PLCG2: variants seen among roughly 807,000 people sequenced by gnomAD.
PLCG2 encodes the protein 1-phosphatidylinositol 4,5-bisphosphate phosphodiesterase gamma-2.
In PLCG2, 69 loss-of-function variants were observed where a neutral mutation model predicts 175.6. The observed-to-expected ratio is 0.39, with a 90% CI of 0.32 to 0.48. The LOEUF (loss-of-function observed/expected upper bound fraction) is 0.48. Among genes scored for constraint, PLCG2 ranks in the 20% least tolerant of loss-of-function variants. PLCG2 has a pLI of 0.91. For missense variants in PLCG2, 1,798 were observed against 1,650.9 expected (o/e 1.09, Z -1.54); for synonymous variants, 827 against 624.0 (o/e 1.33, Z -4.85).
chr16:81,886,384 T>A (rs1052764660), intron 9 of PLCG2, among the ~76,000 whole-genome samples: 2 of 152,222 alleles, frequency 1.3e-5, no homozygotes, highest in African/African-American at 4.8e-5. Context: ...GAATAATCAC[T>A]GCAGCACTTT....
At chr16:81,955,949 T>C (rs1032150110) in intron 31 of PLCG2, among the ~76,000 whole-genome samples, 7 of 152,176 alleles carry the variant, frequency 4.6e-5, no homozygotes, top group Admixed American at 4.6e-4. Flanking sequence ...ATTTAAAGTG[T>C]ACAATTCAAT....
chr16:81,777,057 C>A (rs1374546752), upstream of PLCG2, among the ~76,000 whole-genome samples: 2 of 152,152 alleles, frequency 1.3e-5, no homozygotes, highest in Non-Finnish European at 1.5e-5. Context: ...TTTACGATGA[C>A]CATTATCTCA....
intron 1 of PLCG2, chr16:81,783,101 A>G (rs1156287159): frequency 2.1e-6 from 1 of 480,530 alleles, no homozygotes; most frequent in South Asian, 1.5e-5. Context: ...AGAACTGAGG[A>G]GCCTGGTCCC....
At chr16:81,934,366 A>G in intron 25 of PLCG2, 63 bp from the exon 26 acceptor site, 1 of 991,384 alleles carries the variant, frequency 1.0e-6, no homozygotes, top group East Asian at 2.4e-5. Context: ...GGAAAAATGC[A>G]GGGCGAGCTG....
intron 27 of PLCG2, chr16:81,937,242 T>A (rs968416393): frequency 3.3e-5 from 5 of 152,304 alleles, no homozygotes; most frequent in African/African-American, 1.2e-4. Context: ...TTGTTGAACT[T>A]TTTGCCGTTT....
chr16:81,919,729 A>G (rs1383221493), intron 20 of PLCG2, 65 bp downstream of exon 20: 2 of 1,393,038 alleles, frequency 1.4e-6, no homozygotes, highest in Non-Finnish European at 2.0e-6. Flanking sequence ...TCATCTGTTC[A>G]TGAATTCAGC....
intron 11 of PLCG2, among the ~76,000 whole-genome samples, chr16:81,893,463 G>A (rs1908733712): frequency 1.3e-5 from 2 of 152,210 alleles, no homozygotes; most frequent in African/African-American, 4.8e-5. Flanking sequence ...CTCCACGCTT[G>A]CATTGCCCAG....
chr16:81,739,997 G>A (rs1458771944), intron 1 of PLCG2, among the ~76,000 whole-genome samples: 1 of 152,068 alleles, frequency 6.6e-6, no homozygotes, highest in African/African-American at 2.4e-5. Context: ...AATTAGCTGT[G>A]TGTGGTGGCC....
At chr16:81,769,178 T>G (rs78502140) in intron 2 of PLCG2, among the ~76,000 whole-genome samples, 4,723 of 152,294 alleles carry the variant, frequency 0.031, 153 homozygotes, top group African/African-American at 0.084. Flanking sequence ...GAACTCACCA[T>G]GAGTGATGAG....
intron 22 of PLCG2, among the ~76,000 whole-genome samples, chr16:81,924,841 A>G (rs1567534999): frequency 6.6e-6 from 1 of 152,168 alleles, no homozygotes; most frequent in Non-Finnish European, 1.5e-5. Flanking sequence ...AGGCTCCCAG[A>G]CCCAGTTGGG....
intron 9 of PLCG2, among the ~76,000 whole-genome samples, chr16:81,887,697 T>A (rs531333601): frequency 6.6e-6 from 1 of 152,358 alleles, no homozygotes; most frequent in South Asian, 2.1e-4. Context: ...CACACACATC[T>A]GGTCGCATAT....
intron 2 of PLCG2, among the ~76,000 whole-genome samples, chr16:81,836,116 G>T (rs1905503108): frequency 6.6e-6 from 1 of 152,198 alleles, no homozygotes; most frequent in South Asian, 2.1e-4. Flanking sequence ...GGGCCACCAA[G>T]GACAAGACCA....
chr16:81,864,412 G>A (rs1366038630), intron 5 of PLCG2, among the ~76,000 whole-genome samples: 1 of 152,210 alleles, frequency 6.6e-6, no homozygotes, highest in Non-Finnish European at 1.5e-5. Flanking sequence ...GCCCCGTGTG[G>A]CTAGCAGCTA....
chr16:81,914,574 T>A (rs1220388130), intron 19 of PLCG2, among the ~76,000 whole-genome samples: 1 of 152,138 alleles, frequency 6.6e-6, no homozygotes, highest in East Asian at 1.9e-4. Context: ...AATGGAAGTT[T>A]TTATTTTTTA....
chr16:81,953,092 A>G (rs1258565846), intron 31 of PLCG2, among the ~76,000 whole-genome samples: 2 of 152,222 alleles, frequency 1.3e-5, no homozygotes, highest in African/African-American at 4.8e-5. Flanking sequence ...GACACCAGAC[A>G]AAAGTTGCTG....
intron 10 of PLCG2, among the ~76,000 whole-genome samples, chr16:81,890,679 C>T (rs1242822803): frequency 8.5e-5 from 13 of 152,124 alleles, no homozygotes; most frequent in Admixed American, 5.2e-4. Flanking sequence ...AACTGGGGAG[C>T]GACTGACCCA....
At chr16:81,899,043 A>C (rs887329177) in intron 13 of PLCG2, among the ~76,000 whole-genome samples, 4 of 151,958 alleles carry the variant, frequency 2.6e-5, no homozygotes, top group African/African-American at 9.7e-5. Context: ...CAAAAAATTA[A>C]CTGGGCATGC....
At chr16:81,891,030 G>C (rs1212653202) in intron 10 of PLCG2, among the ~76,000 whole-genome samples, 1 of 152,142 alleles carries the variant, frequency 6.6e-6, no homozygotes, top group African/African-American at 2.4e-5. Flanking sequence ...TGGTGTGGTG[G>C]TGCACGCCTG....
chr16:81,813,360 G>A (rs910562137), intron 2 of PLCG2, among the ~76,000 whole-genome samples: 2 of 152,084 alleles, frequency 1.3e-5, no homozygotes, highest in African/African-American at 4.8e-5. Context: ...GCAGTTGTTT[G>A]TAGTTCTCTT....
Sources: allele counts gnomAD v4.1 joint callset (sites outside exome capture counted in the v4.1 genomes callset), GRCh38; gene constraint gnomAD v4.1.1; transcripts MANE v1.5; gene names NCBI Gene and HGNC (gene_info 2026-07-23, HGNC 2026-07-21).